NAP1L1: variants seen among roughly 807,000 people sequenced by gnomAD.
NAP1L1 encodes the protein nucleosome assembly protein 1 like 1.
NAP1L1 carries 9 observed loss-of-function variants against 58.9 expected under a neutral mutation model. The ratio of observed to expected loss-of-function variants is 0.15; its 90% confidence interval spans 0.09 to 0.27. The LOEUF (loss-of-function observed/expected upper bound fraction) is 0.27, where lower values mean the gene tolerates loss of function less well. Among genes scored for constraint, NAP1L1 ranks in the 10% least tolerant of loss-of-function variants. The pLI is 1.00. For synonymous variants in NAP1L1, 130 were observed against 138.3 expected, an observed-to-expected ratio of 0.94 and a Z score of 0.42; for missense variants, 302 against 458.8, an observed-to-expected ratio of 0.66 and a Z score of 3.12.
intron 4 of NAP1L1, among the ~76,000 whole-genome samples, chr12:76,064,198 CA>C (rs1169819189): frequency 5.9e-5 from 9 of 151,924 alleles, no homozygotes; most frequent in Non-Finnish European, 1.3e-4. Flanking sequence ...ATGACCCCCC[CA>C]AAAAACATTA....
At chr12:76,053,633 G>GCA (rs1948941562) in intron 9 of NAP1L1, 137 bp downstream of exon 9, 1 of 1,086,598 alleles carries the variant, frequency 9.2e-7, no homozygotes, top group African/African-American at 1.6e-5. Flanking sequence ...AACTTGATAA[G>GCA]CACTTTTCAG....
chr12:76,039,931 CA>C lies in NAP1L1; in HGVS notation c.*8497del, dbSNP rs1948536734. ...CAATGAAGTTTTTCTCGAAACCTCT[CA>C]GTCTAGTTACATTATACCCAACTTT... is the stretch of plus-strand genomic sequence containing the variant. On this transcript the variant is annotated 3_prime_UTR_variant, in exon 15 of 15. Coordinates refer to ENST00000618691, the MANE Select transcript of NAP1L1 (RefSeq NM_004537.7). 1 of 152,194 alleles carries C rather than the reference CA, an allele frequency of 6.6e-6. No individual in the cohort carries two copies. Among genetic ancestry groups the C allele is most frequent in the South Asian group, 2.1e-4 (1 of 4,830 alleles). 9.4% of individuals were successfully genotyped at this position (152,194 alleles called of 1,614,324 possible). A position where few individuals can be genotyped will look rare whatever the true frequency, so the allele number is the denominator to read the frequency against.
intron 6 of NAP1L1, among the ~76,000 whole-genome samples, chr12:76,058,678 G>A (rs1434103276): frequency 2.0e-5 from 3 of 152,092 alleles, no homozygotes; most frequent in South Asian, 2.1e-4. Context: ...GAGCCACTGC[G>A]CCTGGCCTTT....
At position 76,043,875 on chromosome 12, in the gene NAP1L1, T is replaced by A. The variant is rs185236077; in HGVS notation, c.*4554A>T. The stretch of plus-strand genomic sequence containing the variant: ...AGAGCCGCAATTGCCTAATACATTA[T>A]GAATGATAAAATTATGAATAAGACC... On this transcript the variant is annotated 3_prime_UTR_variant, in exon 15 of 15. Transcript: ENST00000618691. 12 of 152,354 alleles carry A rather than the reference T, an allele frequency of 7.9e-5. No individual in the cohort carries two copies. In the East Asian group the frequency reaches 2.3e-3, roughly 29 times the overall value. The allele number at this position is 152,354 out of a possible 1,614,324, so 9.4% of individuals were successfully genotyped here.
At chr12:76,055,718 C>T (rs1393885151) in intron 7 of NAP1L1, among the ~76,000 whole-genome samples, 1 of 152,138 alleles carries the variant, frequency 6.6e-6, no homozygotes, top group Non-Finnish European at 1.5e-5. Context: ...TGCATAATTG[C>T]AGCTATAAGA....
Position 76,048,139 on chromosome 12 carries a change from AT to A in NAP1L1, c.*289del. 2.6e-6 allele frequency: 1 copy of A among 378,878 alleles called. No individual in the cohort carries two copies. The highest frequency in any genetic ancestry group is 4.7e-6 in the Non-Finnish European group (1 of 213,042). The allele number at this position is 378,878 out of a possible 1,614,324, so 23.5% of individuals were successfully genotyped here. The stretch of plus-strand genomic sequence containing the variant: ...AAGGTATTTCCTTTAACAGTTGTTA[AT>A]TTTCATAGCTGTACTCCAAGAGCTA... On this transcript the variant is annotated 3_prime_UTR_variant, in exon 15 of 15. Transcript: ENST00000618691.
chr12:76,074,159 G>A (rs762052436), intron 2 of NAP1L1, 44 bp downstream of exon 2: 28 of 1,455,330 alleles, frequency 1.9e-5, no homozygotes, highest in Non-Finnish European at 2.7e-5. Context: ...AGAGTACAAA[G>A]TGATGCCAAA....
chr12:76,057,952 G>T, intron 6 of NAP1L1: 2 of 1,019,832 alleles, frequency 2.0e-6, no homozygotes, highest in African/African-American at 1.6e-5. Flanking sequence ...TTTTGAAATT[G>T]ATCTTAAATC....
At chr12:76,050,382 C>A in intron 12 of NAP1L1, 149 bp downstream of exon 12, 2 of 893,036 alleles carry the variant, frequency 2.2e-6, no homozygotes, top group Non-Finnish European at 3.1e-6. Context: ...ATACTTAAAA[C>A]CCAGAAAAGC....
chr12:76,056,760 C>T, intron 6 of NAP1L1: 1 of 399,604 alleles, frequency 2.5e-6, no homozygotes, highest in South Asian at 1.9e-5. Flanking sequence ...CGCTTGTAAT[C>T]CCAGCACTTT....
At chr12:76,059,899 A>C in intron 5 of NAP1L1, 21 bp from the exon 6 acceptor site, 1 of 1,546,534 alleles carries the variant, frequency 6.5e-7, no homozygotes, top group Non-Finnish European at 8.8e-7. Flanking sequence ...TTAAAAAAAA[A>C]AGGCTGTATA....
intron 4 of NAP1L1, among the ~76,000 whole-genome samples, chr12:76,061,461 C>T (rs1465892397): frequency 1.3e-5 from 2 of 152,184 alleles, no homozygotes; most frequent in Non-Finnish European, 2.9e-5. Context: ...GACATGATCT[C>T]GTTCTTTGTA....
chr12:76,046,074 A>G lies in NAP1L1; in HGVS notation c.*2355T>C, dbSNP rs1948602040. ...TATATTTACAGAACATAGTGGCCTC[A>G]GCACAAAATAGCTCCCTCTAGACAT... On this transcript the variant is annotated 3_prime_UTR_variant, in exon 15 of 15. Coordinates refer to ENST00000618691, the MANE Select transcript of NAP1L1 (RefSeq NM_004537.7). The G allele has an allele frequency of 6.6e-6, 1 of 151,980 alleles. No homozygotes were observed. Among genetic ancestry groups the G allele is most frequent in the African/African-American group, 2.4e-5 (1 of 41,440 alleles). The allele number at this position is 151,980 out of a possible 1,614,324, so 9.4% of individuals were successfully genotyped here.
chr12:76,051,570 G>C (rs1281497178), intron 11 of NAP1L1, among the ~76,000 whole-genome samples: 1 of 152,040 alleles, frequency 6.6e-6, no homozygotes, highest in Non-Finnish European at 1.5e-5. Flanking sequence ...TTAGAGACAG[G>C]GTCTCGCTAT....
chr12:76,078,892 C>T (rs186129318), intron 1 of NAP1L1, among the ~76,000 whole-genome samples: 3 of 152,096 alleles, frequency 2.0e-5, no homozygotes, highest in Non-Finnish European at 2.9e-5. Flanking sequence ...GAAGTTAATA[C>T]GCAATAATTT....
chr12:76,039,752 C>T lies in NAP1L1; in HGVS notation c.*8677G>A, dbSNP rs1156826520. ...TTGTTAAAGTTACTTAACTTCCATC[C>T]TTATGCATAAAAAGGGAATTAATAT... On this transcript the variant is annotated 3_prime_UTR_variant, in exon 15 of 15. Coordinates refer to ENST00000618691, the MANE Select transcript of NAP1L1 (RefSeq NM_004537.7). The T allele has an allele frequency of 6.6e-6, 1 of 152,140 alleles. No homozygotes were observed. Among genetic ancestry groups the T allele is most frequent in the Admixed American group, 6.5e-5 (1 of 15,268 alleles). 9.4% of individuals were successfully genotyped at this position (152,140 alleles called of 1,614,324 possible).
chr12:76,083,436 C>G (rs1950484002), intron 1 of NAP1L1, among the ~76,000 whole-genome samples: 1 of 130,138 alleles, frequency 7.7e-6, no homozygotes, highest in South Asian at 2.3e-4. Context: ...TTGGGCCACA[C>G]GTAAAATACA....
intron 1 of NAP1L1, among the ~76,000 whole-genome samples, chr12:76,075,072 T>C (rs1950119762): frequency 1.3e-5 from 2 of 152,198 alleles, no homozygotes; most frequent in East Asian, 3.8e-4. Flanking sequence ...AGATGTGTTA[T>C]ATCCAGGCAG....
At position 76,058,091 on chromosome 12, in the gene NAP1L1, T is replaced by C. The variant is rs1434721234; in HGVS notation, c.429+1707A>G. 3 of 757,476 alleles carry C rather than the reference T, an allele frequency of 4.0e-6. No homozygotes were observed. In the African/African-American group the frequency reaches 5.2e-5, roughly 13 times the overall value. The allele number at this position is 757,476 out of a possible 1,614,324, so 46.9% of individuals were successfully genotyped here. A position where few individuals can be genotyped will look rare whatever the true frequency, so the allele number is the denominator to read the frequency against. On this transcript the variant is annotated intron_variant, in intron 6 of 14. Coordinates refer to ENST00000618691, the MANE Select transcript of NAP1L1 (RefSeq NM_004537.7). ...TTCAGGAAAAACAGACAGAAGTAGA[T>C]GATGACAGCATCGAAGATCTTGGAG...
Sources: allele counts gnomAD v4.1 joint callset (sites outside exome capture counted in the v4.1 genomes callset), GRCh38; gene constraint gnomAD v4.1.1; transcripts MANE v1.5; gene names NCBI Gene and HGNC (gene_info 2026-07-23, HGNC 2026-07-21).